Variants in RNF180 observed in about 807,000 individuals in gnomAD.
RNF180 encodes the protein ring finger protein 180.
A neutral mutation model predicts 59.2 loss-of-function variants in RNF180; 38 were observed. That is an observed-to-expected ratio of 0.64 (90% CI 0.50 to 0.84). The LOEUF (loss-of-function observed/expected upper bound fraction) is 0.84, where lower values mean the gene tolerates loss of function less well. Ranked by LOEUF, RNF180 falls within the 40% of genes least tolerant of loss-of-function variation. The pLI is 0.00. For missense variants in RNF180, 705 were observed against 700.9 expected, an observed-to-expected ratio of 1.01 and a Z score of -0.07; for synonymous variants, 262 against 240.3, an observed-to-expected ratio of 1.09 and a Z score of -0.84.
rs913270024 is a variant in RNF180, at chr5:64,353,647, G to GA, written c.1580-15962dup. Among the ~76,000 whole-genome samples the GA allele has an allele frequency of 4.6e-5, 7 of 151,718 alleles. No homozygotes were observed. The East Asian group carries it at 7.8e-4, about 17-fold the overall frequency. ...AAGTATTATAGCCCTATTAACTAAG[G>GA]AAAAAATTGAAATATGTAAATCTGT... On this transcript the variant is annotated intron_variant, in intron 7 of 7. Transcript: ENST00000389100.
chr5:64,166,535 C>T (rs1299758780), intron 1 of RNF180, among the ~76,000 whole-genome samples: 2 of 152,090 alleles, frequency 1.3e-5, no homozygotes, highest in Non-Finnish European at 2.9e-5. Flanking sequence ...ATCCATCGGG[C>T]GGAGGTGGGG....
intron 5 of RNF180, among the ~76,000 whole-genome samples, chr5:64,238,098 A>G (rs1402957994): frequency 6.6e-6 from 1 of 152,200 alleles, no homozygotes; most frequent in Non-Finnish European, 1.5e-5. Context: ...ACAGTATATG[A>G]CTTTCCATGA....
chr5:64,227,441 A>G (rs1741836515), intron 5 of RNF180, among the ~76,000 whole-genome samples: 1 of 152,206 alleles, frequency 6.6e-6, no homozygotes, highest in Admixed American at 6.5e-5. Context: ...AAAGGGTTCA[A>G]GAGGCACCTG....
At chr5:64,177,740 G>C (rs1289841962) in intron 1 of RNF180, among the ~76,000 whole-genome samples, 3 of 151,868 alleles carry the variant, frequency 2.0e-5, no homozygotes, top group African/African-American at 4.8e-5. Flanking sequence ...GACATACTCA[G>C]ATGAGGTAAC....
intron 5 of RNF180, among the ~76,000 whole-genome samples, chr5:64,259,731 C>T (rs1224558443): frequency 6.6e-6 from 1 of 151,874 alleles, no homozygotes; most frequent in African/African-American, 2.4e-5. Context: ...GAAACCAGCC[C>T]GACCAACATG....
At chr5:64,221,333 TAGAA>T (rs535946087) in intron 5 of RNF180, among the ~76,000 whole-genome samples, 24 of 152,114 alleles carry the variant, frequency 1.6e-4, no homozygotes, top group African/African-American at 5.5e-4. Context: ...TTATTAAACA[TAGAA>T]AGTCACAAAA....
chr5:64,276,318 T>TGGGGTG (rs1222733321), intron 5 of RNF180, among the ~76,000 whole-genome samples: 19 of 76,808 alleles, frequency 2.5e-4, no homozygotes, highest in African/African-American at 1.1e-3. Flanking sequence ...AAAAATACAT[T>TGGGGTG]GGTGTGTGTG....
At chr5:64,273,865 A>G (rs1327834757) in intron 5 of RNF180, among the ~76,000 whole-genome samples, 1 of 152,042 alleles carries the variant, frequency 6.6e-6, no homozygotes, top group East Asian at 1.9e-4. Context: ...GAAGGTTTCA[A>G]AAGAGTCATA....
intron 7 of RNF180, among the ~76,000 whole-genome samples, chr5:64,332,551 G>C (rs1365197733): frequency 6.6e-6 from 1 of 152,150 alleles, no homozygotes; most frequent in East Asian, 1.9e-4. Flanking sequence ...TAATATAGTA[G>C]TAAAGATTAA....
At chr5:64,204,243 T>A (rs1227305301) in intron 2 of RNF180, among the ~76,000 whole-genome samples, 4 of 152,220 alleles carry the variant, frequency 2.6e-5, no homozygotes, top group African/African-American at 7.2e-5. Context: ...TTGATAGTCA[T>A]TTGGGTTACA....
intron 7 of RNF180, among the ~76,000 whole-genome samples, chr5:64,363,019 C>T (rs1178069064): frequency 6.6e-6 from 1 of 151,448 alleles, no homozygotes; most frequent in African/African-American, 2.4e-5. Context: ...TTCTCTCATT[C>T]TGTAGGTTGT....
At chr5:64,235,900 T>C (rs1251346978) in intron 5 of RNF180, among the ~76,000 whole-genome samples, 1 of 152,236 alleles carries the variant, frequency 6.6e-6, no homozygotes, top group Admixed American at 6.5e-5. Flanking sequence ...TCCCTAGCCA[T>C]GTGGAACTGT....
At chr5:64,209,963 G>A (rs561989692) in intron 2 of RNF180, among the ~76,000 whole-genome samples, 2 of 152,150 alleles carry the variant, frequency 1.3e-5, no homozygotes, top group South Asian at 4.2e-4. Context: ...ACTTCCAATA[G>A]GTTTCCCAAG....
At chr5:64,219,195 A>G (rs900577611) in intron 5 of RNF180, among the ~76,000 whole-genome samples, 3 of 146,030 alleles carry the variant, frequency 2.1e-5, no homozygotes, top group African/African-American at 8.0e-5. Context: ...ATGGATGTTG[A>G]ATTCTGTAGA....
At position 64,223,063 on chromosome 5, in the gene RNF180, C is replaced by T. The variant is rs867871534; in HGVS notation, c.1227+5667C>T. On this transcript the variant is annotated intron_variant, in intron 5 of 7. Coordinates refer to ENST00000389100, the MANE Select transcript of RNF180 (RefSeq NM_001113561.2). ...TTTATCATCTTATAGTTCTGAAGGT[C>T]ACAAATCTGAAAATGGGCCTTGTGG... Among the ~76,000 whole-genome samples, 13 of 152,144 alleles carry T rather than the reference C, an allele frequency of 8.5e-5. No individual in the cohort carries two copies. In the South Asian group the frequency reaches 2.7e-3, roughly 32 times the overall value.
intron 5 of RNF180, among the ~76,000 whole-genome samples, chr5:64,290,485 C>T (rs1048254498): frequency 2.0e-5 from 3 of 152,134 alleles, no homozygotes; most frequent in Non-Finnish European, 4.4e-5. Context: ...GTGTTAAAGT[C>T]ACCTACTGTT....
rs1750478291 is a variant in RNF180, at chr5:64,179,913, CTT to C, written c.-1+13964_-1+13965del. Among the ~76,000 whole-genome samples, 4 of 152,222 alleles carry C rather than the reference CTT, an allele frequency of 2.6e-5. No homozygotes were observed. In the South Asian group the frequency reaches 8.3e-4, roughly 32 times the overall value. ...CATTTTTATAGTTGGTATTGTAAGA[CTT>C]TTTAATTTTTCCCAGTGTGATGAGT... On this transcript the variant is annotated intron_variant, in intron 1 of 7. Coordinates refer to ENST00000389100, the MANE Select transcript of RNF180 (RefSeq NM_001113561.2).
intron 5 of RNF180, among the ~76,000 whole-genome samples, chr5:64,276,169 C>T (rs949268042): frequency 2.6e-5 from 4 of 152,128 alleles, no homozygotes; most frequent in African/African-American, 9.6e-5. Flanking sequence ...GAATCATGGG[C>T]TTCTGAAAAT....
At position 64,291,520 on chromosome 5, in the gene RNF180, G is replaced by C. The variant is rs548315136; in HGVS notation, c.1228-33666G>C. ...GCTCACTGCAAGCTCCGCCTGCCGG[G>C]TTCACACCATTCTCCTGTCTCAGCC... On this transcript the variant is annotated intron_variant, in intron 5 of 7. Transcript: ENST00000389100. Among the ~76,000 whole-genome samples the C allele has an allele frequency of 6.9e-4, 102 of 147,772 alleles. 1 individual carries two copies. The highest frequency in any genetic ancestry group is 2.5e-3 in the African/African-American group (101 of 39,690).
Sources: gnomAD v4.1 joint callset for allele counts (sites outside exome capture counted in the v4.1 genomes callset) on GRCh38, gnomAD v4.1.1 for gene constraint, MANE v1.5 for transcripts, NCBI Gene and HGNC (gene_info 2026-07-23, HGNC 2026-07-21) for gene names.